Variants in ERCC5 observed in about 807,000 individuals in gnomAD.
The protein encoded by ERCC5 is DNA excision repair protein ERCC-5.
Under a neutral mutation model 105.6 loss-of-function variants are expected in ERCC5, and 68 were observed. That is an observed-to-expected ratio of 0.64 (90% CI 0.53 to 0.79). The LOEUF is 0.79. Among genes scored for constraint, ERCC5 ranks in the 30% least tolerant of loss-of-function variants. ERCC5 has a pLI of 0.00. For synonymous variants in ERCC5, 546 were observed against 526.2 expected, an observed-to-expected ratio of 1.04 and a Z score of -0.51; for missense variants, 1,373 against 1,426.7, an observed-to-expected ratio of 0.96 and a Z score of 0.61.
chr13:102,867,502 G>A (rs1320064598), intron 11 of ERCC5, among the ~76,000 whole-genome samples: 1 of 152,186 alleles, frequency 6.6e-6, no homozygotes, highest in South Asian at 2.1e-4. Flanking sequence ...AGTGAAAGGG[G>A]CTGAGGCAGA....
At chr13:102,855,450 C>T (rs1287753538) in intron 4 of ERCC5, among the ~76,000 whole-genome samples, 2 of 152,100 alleles carry the variant, frequency 1.3e-5, no homozygotes, top group African/African-American at 4.8e-5. Flanking sequence ...GAGGTTTCAC[C>T]ATGTTGTCCA....
At chr13:102,857,258 G>A (rs1358834722) in intron 5 of ERCC5, among the ~76,000 whole-genome samples, 1 of 152,206 alleles carries the variant, frequency 6.6e-6, no homozygotes, top group Non-Finnish European at 1.5e-5. Flanking sequence ...AGCAATCTTA[G>A]TTAAGACCAT....
chr13:102,861,756 A>G, intron 7 of ERCC5, 42 bp downstream of exon 7: 1 of 1,608,302 alleles, frequency 6.2e-7, no homozygotes, highest in South Asian at 1.1e-5. Flanking sequence ...TAAAAAATCA[A>G]AGATATATCA....
intron 10 of ERCC5, 22 bp from the exon 11 acceptor site, chr13:102,866,610 C>T (rs1209832074): frequency 6.2e-7 from 1 of 1,612,244 alleles, no homozygotes; most frequent in Admixed American, 1.7e-5. Context: ...CTGGGCGTCA[C>T]TGTGTACCCC....
chr13:102,861,282 C>T (rs1033058386), intron 6 of ERCC5, among the ~76,000 whole-genome samples: 1 of 152,104 alleles, frequency 6.6e-6, no homozygotes, highest in Non-Finnish European at 1.5e-5. Flanking sequence ...AGCCACCGCA[C>T]CTGGCCATAG....
chr13:102,873,831 G>C (rs1424580895), intron 14 of ERCC5, among the ~76,000 whole-genome samples: 1 of 152,076 alleles, frequency 6.6e-6, no homozygotes, highest in Non-Finnish European at 1.5e-5. Flanking sequence ...GTTCCTCTAG[G>C]TACCTACTTC....
In ERCC5 at chr13:102,862,219, C is replaced by T. The variant is rs1882650273; in HGVS notation, c.1070C>T (p.Ser357Leu). The change falls in exon 8 of 15, where the codon TCA (serine) becomes TTA (leucine). Residue 357 changes from serine to leucine, a missense_variant. Coordinates refer to ENST00000652225, the MANE Select transcript of ERCC5 (RefSeq NM_000123.4). ...AMQAALLGSSSEEELESENRR... is the reference protein window; with the variant it reads ...AMQAALLGSSLEEELESENRR... ...CAAGCTGCCCTGCTGGGAAGTAGCTCAGAAGAGGAGCTGGAGAGTGAAAAT... is the reference window on the plus strand; with the variant it reads ...CAAGCTGCCCTGCTGGGAAGTAGCTTAGAAGAGGAGCTGGAGAGTGAAAAT... 2.5e-6 allele frequency: 4 copies of T among 1,614,034 alleles called. No homozygotes were observed. Among genetic ancestry groups the T allele is most frequent in the African/African-American group, 1.3e-5 (1 of 74,914 alleles).
At chr13:102,868,023 A>G in intron 11 of ERCC5, 90 bp from the exon 12 acceptor site, 3 of 1,257,768 alleles carry the variant, frequency 2.4e-6, no homozygotes, top group South Asian at 1.3e-5. Context: ...AGATATAGAT[A>G]TACACACGTA....
At position 102,852,177 on chromosome 13, in the gene ERCC5, A is replaced by G. The variant is rs781276062; in HGVS notation, c.148A>G (p.Ile50Val). 6.8e-6 allele frequency: 11 copies of G among 1,614,026 alleles called. No individual in the cohort carries two copies. Among genetic ancestry groups the G allele is most frequent in the South Asian group, 1.1e-5 (1 of 91,078 alleles). The change falls in exon 2 of 15, where the codon ATA becomes GTA. Residue 50 changes from isoleucine (I) to valine (V), a missense_variant. Ile to Val is a conservative substitution (Grantham distance 29). Transcript: ENST00000652225. ...KGVRDRHGNS[I>V]ENPHLLTLFH... ...AGTCCGGGATCGCCATGGGAACTCA[A>G]TAGAAAATCCTCATCTTCTCACTTT...
intron 14 of ERCC5, chr13:102,875,005 G>A: frequency 3.3e-6 from 1 of 304,248 alleles, no homozygotes; most frequent in South Asian, 4.4e-5. Context: ...AAGATGAAAT[G>A]TTTAGCTACA....
chr13:102,861,533 A>G lies in ERCC5; in HGVS notation c.699A>G (p.Gln233=). The G allele has an allele frequency of 6.2e-7, 1 of 1,614,146 alleles. No homozygotes were observed. Residue 233 remains glutamine (Q), a synonymous_variant, in exon 7 of 15, where the codon CAA becomes CAG. Coordinates refer to ENST00000652225, the MANE Select transcript of ERCC5 (RefSeq NM_000123.4). ...AGTCTGATGACTTTTCACAGTACCAACTCAAAGGCTTGCTTAAAAAGAACT... is the reference window on the plus strand; with the variant it reads ...AGTCTGATGACTTTTCACAGTACCAGCTCAAAGGCTTGCTTAAAAAGAACT... ...PEESDDFSQY[Q]LKGLLKKNYL...
intron 12 of ERCC5, among the ~76,000 whole-genome samples, chr13:102,871,628 T>C (rs1017188085): frequency 8.5e-5 from 13 of 152,060 alleles, no homozygotes; most frequent in African/African-American, 3.1e-4. Context: ...TTTATATATA[T>C]ATAAAATGTT....
chr13:102,854,741 G>A (rs1439020987), intron 4 of ERCC5, among the ~76,000 whole-genome samples: 1 of 152,194 alleles, frequency 6.6e-6, no homozygotes, highest in African/African-American at 2.4e-5. Context: ...CACAACCCAT[G>A]ACATTCTTGT....
rs1883187083 is a variant in ERCC5, at chr13:102,875,501, A to G, written c.3159A>G (p.Gly1053=). Residue 1053 remains glycine, a synonymous_variant, in exon 15 of 15, where the codon GGA becomes GGG. Coordinates refer to ENST00000652225, the MANE Select transcript of ERCC5 (RefSeq NM_000123.4). ...TTGAGCTACTTGATAAGGCAAAAGG[A>G]AAAACCCAGAAGAGAGGCATAACAA... ...KEFELLDKAK[G]KTQKRGITNT... The G allele has an allele frequency of 1.2e-6, 2 of 1,613,456 alleles. No homozygotes were observed. Among genetic ancestry groups the G allele is most frequent in the Non-Finnish European group, 1.7e-6 (2 of 1,179,406 alleles).
In ERCC5 at chr13:102,861,566, C is replaced by A. The variant is rs1882618722; in HGVS notation, c.732C>A (p.Asn244Lys). ...LKGLLKKNYL[N>K]QHIEHVQKEM... ...GCTTGCTTAAAAAGAACTATCTGAA[C>A]CAGCATATAGAACATGTCCAAAAGG... The change falls in exon 7 of 15, where the codon AAC (asparagine) becomes AAA (lysine). Residue 244 changes from asparagine (N) to lysine (K), a missense_variant. Physicochemically the swap from Asn to Lys is moderately conservative, Grantham distance 94 (BLOSUM62 0). Around this residue, in one of 3 missense-constraint regions of ERCC5, gnomAD observed 1,004 missense variants for 1,059.7 expected, o/e 0.95. Coordinates refer to ENST00000652225, the MANE Select transcript of ERCC5 (RefSeq NM_000123.4). 1 of 1,614,062 alleles carries A rather than the reference C, an allele frequency of 6.2e-7. No homozygotes were observed. Among genetic ancestry groups the A allele is most frequent in the Admixed American group, 1.7e-5 (1 of 60,026 alleles).
chr13:102,873,899 A>C (rs1883112405), intron 14 of ERCC5, among the ~76,000 whole-genome samples: 2 of 152,184 alleles, frequency 1.3e-5, no homozygotes, highest in Non-Finnish European at 2.9e-5. Flanking sequence ...CCCACACTAG[A>C]AACAACCCAC....
chr13:102,850,149 C>T (rs1882150815), intron 1 of ERCC5, among the ~76,000 whole-genome samples: 1 of 152,178 alleles, frequency 6.6e-6, no homozygotes, highest in African/African-American at 2.4e-5. Flanking sequence ...TGGTCTCGAT[C>T]TCCTGACCTC....
intron 12 of ERCC5, among the ~76,000 whole-genome samples, chr13:102,869,381 C>T: frequency 6.6e-6 from 1 of 152,168 alleles, no homozygotes; most frequent in South Asian, 2.1e-4. Context: ...AAAGTAAATA[C>T]ATCATAGAAA....
rs758379260 is a variant in ERCC5 at position 102,862,664 on chromosome 13, T to C, written c.1515T>C (p.Ser505=). 21 of 1,613,960 alleles carry C rather than the reference T, an allele frequency of 1.3e-5. No individual in the cohort carries two copies. The highest frequency in any genetic ancestry group is 1.8e-5 in the Non-Finnish European group (21 of 1,179,982). The change falls in exon 8 of 15, where the codon AGT becomes AGC. Residue 505 remains serine, a synonymous_variant. Coordinates refer to ENST00000652225, the MANE Select transcript of ERCC5 (RefSeq NM_000123.4). Reference sequence around the variant, plus strand: ...GAAAAGATCGGCTGCCTCTGGAGAGTGCAGTGGTTAGACATAGTGACGCAC... The same window carrying C: ...GAAAAGATCGGCTGCCTCTGGAGAGCGCAGTGGTTAGACATAGTGACGCAC... The part of the protein sequence containing the change: ...KDRKDRLPLE[S]AVVRHSDAPG...
Sources: allele counts gnomAD v4.1 joint callset (sites outside exome capture counted in the v4.1 genomes callset), GRCh38; gene constraint gnomAD v4.1.1; regional missense constraint gnomAD v4.1.1; transcripts MANE v1.5; gene names NCBI Gene and HGNC (gene_info 2026-07-23, HGNC 2026-07-21).